Variants in ABCC1 observed in about 807,000 individuals in gnomAD.
ABCC1 encodes ATP binding cassette subfamily C member 1 (ABCC1 blood group).
In ABCC1, 83 loss-of-function variants were observed where a neutral mutation model predicts 172.9. The observed-to-expected ratio is 0.48, with a 90% confidence interval of 0.40 to 0.58. ABCC1 has a LOEUF of 0.58. Among genes scored for constraint, ABCC1 ranks in the 20% least tolerant of loss-of-function variants. ABCC1 has a pLI of 0.00. For synonymous variants in ABCC1, 937 were observed against 825.2 expected (o/e 1.14, Z -2.32); for missense variants, 1,817 against 2,002.7 (o/e 0.91, Z 1.77).
chr16:16,140,930 G>A (rs1194944772), intron 30 of ABCC1, among the ~76,000 whole-genome samples: 1 of 152,190 alleles, frequency 6.6e-6, no homozygotes, highest in African/African-American at 2.4e-5. Context: ...AGTCAACACT[G>A]TTAATACCAT....
chr16:16,016,485 C>T lies in ABCC1; in HGVS notation c.490-11C>T, dbSNP rs1169588034. On this transcript the variant is annotated splice_polypyrimidine_tract_variant and intron_variant, in intron 4 of 30. Transcript: ENST00000399410. ...TGTGATCTTTTTCTTCCTTCCTTCCCCACCATGTAGGATGCCCAGGTGGAC... is the reference window on the plus strand; with the variant it reads ...TGTGATCTTTTTCTTCCTTCCTTCCTCACCATGTAGGATGCCCAGGTGGAC... The T allele has an allele frequency of 6.2e-7, 1 of 1,613,736 alleles. No homozygotes were observed. The highest frequency in any genetic ancestry group is 8.5e-7 in the Non-Finnish European group (1 of 1,179,916).
chr16:16,035,072 G>T (rs1225046973), intron 6 of ABCC1, among the ~76,000 whole-genome samples: 1 of 152,094 alleles, frequency 6.6e-6, no homozygotes, highest in African/African-American at 2.4e-5. Context: ...AATTATTTTA[G>T]AACAAAACAT....
chr16:16,122,066 G>A lies in ABCC1; in HGVS notation c.3482G>A (p.Gly1161Glu). 3 of 1,614,200 alleles carry A rather than the reference G, an allele frequency of 1.9e-6. No individual in the cohort carries two copies. The highest frequency in any genetic ancestry group is 8.5e-7 in the Non-Finnish European group (1 of 1,180,038). The change falls in exon 24 of 31, where the codon GGG becomes GAG. Residue 1161 changes from glycine (G) to glutamate (E), a missense_variant. Gly to Glu is a moderately conservative substitution (Grantham distance 98, BLOSUM62 -2). Transcript: ENST00000399410. ...TCCCATTTCAACGAGACCTTGCTGGGGGTCAGCGTCATTCGAGCCTTCGAG... is the reference window on the plus strand; with the variant it reads ...TCCCATTTCAACGAGACCTTGCTGGAGGTCAGCGTCATTCGAGCCTTCGAG... ...VYSHFNETLL[G>E]VSVIRAFEEQ...
chr16:16,039,152 T>A (rs1231963731), intron 7 of ABCC1, among the ~76,000 whole-genome samples: 2 of 151,048 alleles, frequency 1.3e-5, no homozygotes, highest in Admixed American at 1.3e-4. Context: ...TGGAGAATGA[T>A]GGTGTTGGGG....
In ABCC1 at chr16:16,121,997, G is replaced by A. The variant is rs1387333493; in HGVS notation, c.3413G>A (p.Arg1138Gln). 11 of 1,614,170 alleles carry A rather than the reference G, an allele frequency of 6.8e-6. No individual in the cohort carries two copies. Among genetic ancestry groups the A allele is most frequent in the Non-Finnish European group, 7.6e-6 (9 of 1,180,030 alleles). The change falls in exon 24 of 31, where the codon CGG becomes CAG. Residue 1138 changes from arginine (R) to glutamine (Q), a missense_variant. By Grantham distance (43) the Arg-to-Gln change is conservative (BLOSUM62 1). This residue lies in a region of ABCC1 where 1,412 missense variants were observed against 1,600.3 expected (regional missense o/e 0.88). Transcript: ENST00000399410. ...CAGAGGTTCTACGTGGCTTCCTCCC[G>A]GCAGCTGAAGCGCCTCGAGTCGGTC... ...FVQRFYVASS[R>Q]QLKRLESVSR... is the part of the protein sequence containing the mutation.
intron 9 of ABCC1, among the ~76,000 whole-genome samples, chr16:16,046,267 T>C (rs2049204429): frequency 6.6e-6 from 1 of 152,158 alleles, no homozygotes; most frequent in Non-Finnish European, 1.5e-5. Flanking sequence ...GATGGATCAG[T>C]GGCCCTTGTT....
At position 16,090,441 on chromosome 16, in the gene ABCC1, C is replaced by T; in HGVS notation, c.2497C>T (p.Pro833Ser). 3 of 1,612,024 alleles carry T rather than the reference C, an allele frequency of 1.9e-6. No homozygotes were observed. Among genetic ancestry groups the T allele is most frequent in the Non-Finnish European group, 2.5e-6 (3 of 1,178,852 alleles). The part of the protein sequence containing the change: ...ILVTHSMSYL[P>S]QVDVIIVMSG... ...GGTCACGCACAGCATGAGCTACTTGCCGCAGGTGGACGTCATCATCGTCAT... is the reference window on the plus strand; with the variant it reads ...GGTCACGCACAGCATGAGCTACTTGTCGCAGGTGGACGTCATCATCGTCAT... The change falls in exon 19 of 31, where the codon CCG becomes TCG. Residue 833 changes from proline to serine, a missense_variant. Pro to Ser is a moderately conservative substitution (Grantham distance 74). Coordinates refer to ENST00000399410, the MANE Select transcript of ABCC1 (RefSeq NM_004996.4).
chr16:16,032,094 G>A (rs1356202156), intron 5 of ABCC1, among the ~76,000 whole-genome samples: 1 of 152,074 alleles, frequency 6.6e-6, no homozygotes, highest in East Asian at 1.9e-4. Context: ...GGGTTCAAGC[G>A]ATTCTCTTGC....
intron 5 of ABCC1, among the ~76,000 whole-genome samples, chr16:16,030,892 C>T (rs111711148): frequency 6.6e-6 from 1 of 152,010 alleles, no homozygotes; most frequent in Non-Finnish European, 1.5e-5. Context: ...GACAGGGTCC[C>T]TAGGCTGGAG....
At chr16:16,099,942 C>G (rs2051651480) in intron 19 of ABCC1, among the ~76,000 whole-genome samples, 1 of 152,094 alleles carries the variant, frequency 6.6e-6, no homozygotes, top group Non-Finnish European at 1.5e-5. Context: ...AAGAATTAGC[C>G]AGGCACGGTG....
At chr16:15,957,889 G>A (rs913263353) in intron 1 of ABCC1, among the ~76,000 whole-genome samples, 3 of 152,138 alleles carry the variant, frequency 2.0e-5, no homozygotes, top group Non-Finnish European at 4.4e-5. Context: ...ACTGTGGCCC[G>A]CCCTACAATG....
At chr16:16,119,380 G>T (rs879589962) in intron 23 of ABCC1, among the ~76,000 whole-genome samples, 19 of 152,212 alleles carry the variant, frequency 1.2e-4, no homozygotes, top group Non-Finnish European at 2.1e-4. Context: ...GGCGGAGGTT[G>T]CAGTGAGCTG....
chr16:15,955,942 T>G (rs557800006), intron 1 of ABCC1, among the ~76,000 whole-genome samples: 3 of 152,146 alleles, frequency 2.0e-5, no homozygotes, highest in East Asian at 3.9e-4. Context: ...GGAGTGCTGA[T>G]GCCCCATGTA....
intron 20 of ABCC1, among the ~76,000 whole-genome samples, chr16:16,105,695 ATTTCT>A (rs757391655): frequency 3.6e-4 from 54 of 148,014 alleles, no homozygotes; most frequent in East Asian, 1.4e-3. Flanking sequence ...GGTCTCCATA[ATTTCT>A]TTTCTTTTCT....
At chr16:16,102,317 T>C (rs889833069) in intron 19 of ABCC1, among the ~76,000 whole-genome samples, 2 of 152,234 alleles carry the variant, frequency 1.3e-5, no homozygotes, top group Non-Finnish European at 2.9e-5. Flanking sequence ...GCTACTGTTT[T>C]CTGGGCTGGG....
chr16:16,014,666 A>G lies in ABCC1; in HGVS notation c.489+38A>G, dbSNP rs1310373046. On this transcript the variant is annotated intron_variant, in intron 4 of 30. Coordinates refer to ENST00000399410, the MANE Select transcript of ABCC1 (RefSeq NM_004996.4). ...CTCCTTCCTCATCTTCCTTCAGTGG[A>G]CCCGGAGGGAGAGATGCTGGGTCCC... The G allele has an allele frequency of 2.5e-6, 4 of 1,608,858 alleles. No individual in the cohort carries two copies. The East Asian group carries it at 8.9e-5, about 36-fold the overall frequency.
At chr16:16,137,233 G>A (rs1384636561) in intron 29 of ABCC1, among the ~76,000 whole-genome samples, 1 of 152,076 alleles carries the variant, frequency 6.6e-6, no homozygotes, top group East Asian at 1.9e-4. Context: ...TGCTGATCTC[G>A]GCTGGGCTCA....
chr16:16,022,488 C>A (rs2048227571), intron 5 of ABCC1, among the ~76,000 whole-genome samples: 1 of 152,062 alleles, frequency 6.6e-6, no homozygotes, highest in African/African-American at 2.4e-5. Context: ...CAAAGGAGAT[C>A]ATTTATTAGG....
intron 1 of ABCC1, among the ~76,000 whole-genome samples, chr16:15,975,979 ACAGAGG>A (rs1313393377): frequency 6.6e-6 from 1 of 152,130 alleles, no homozygotes. Context: ...TTAGAACTCA[ACAGAGG>A]CCAGACGCGG....
Sources: gnomAD v4.1 joint callset for allele counts (sites outside exome capture counted in the v4.1 genomes callset) on GRCh38, gnomAD v4.1.1 for gene constraint, gnomAD v4.1.1 regional missense constraint, MANE v1.5 for transcripts, NCBI Gene and HGNC (gene_info 2026-07-23, HGNC 2026-07-21) for gene names.